Variants in PCOLCE2 observed in about 807,000 individuals in gnomAD.
PCOLCE2 encodes the protein procollagen C-proteinase enhancer 2.
A neutral mutation model predicts 47.0 loss-of-function variants in PCOLCE2; 42 were observed. That is an observed-to-expected ratio of 0.89 (90% confidence interval 0.70 to 1.16). PCOLCE2 has a LOEUF of 1.16. Ranked by LOEUF, PCOLCE2 falls within the 50% of genes most tolerant of loss-of-function variation. The probability of loss-of-function intolerance (pLI) is 0.00; values close to 1 mark genes in which losing one functional copy is unlikely to be tolerated. For synonymous variants in PCOLCE2, 169 were observed against 191.7 expected, an observed-to-expected ratio of 0.88 and a Z score of 0.98; for missense variants, 500 against 526.1, an observed-to-expected ratio of 0.95 and a Z score of 0.49.
intron 2 of PCOLCE2, among the ~76,000 whole-genome samples, chr3:142,857,053 TAGTA>T (rs1933076733): frequency 6.7e-6 from 1 of 148,752 alleles, no homozygotes; most frequent in Admixed American, 6.6e-5. Context: ...ATATACTCTA[TAGTA>T]AGTAAGAGTC....
At chr3:142,836,167 T>C (rs1578033094) in intron 5 of PCOLCE2, among the ~76,000 whole-genome samples, 1 of 152,204 alleles carries the variant, frequency 6.6e-6, no homozygotes, top group Non-Finnish European at 1.5e-5. Flanking sequence ...TGTTGGCTGG[T>C]TTTTGGTCAG....
At chr3:142,872,828 C>T (rs1304610978) in intron 2 of PCOLCE2, among the ~76,000 whole-genome samples, 1 of 152,136 alleles carries the variant, frequency 6.6e-6, no homozygotes, top group African/African-American at 2.4e-5. Context: ...AGCCAAGTAT[C>T]ATCATCAAAA....
Position 142,888,837 on chromosome 3 carries a change from G to C in PCOLCE2, c.60C>G (p.Leu20=), listed in dbSNP as rs1933767515. The C allele has an allele frequency of 1.9e-6, 3 of 1,545,924 alleles. No individual in the cohort carries two copies. In the South Asian group the frequency reaches 3.6e-5, roughly 19 times the overall value. The change falls in exon 1 of 9, where the codon CTC becomes CTG. Residue 20 remains leucine (L), a synonymous_variant. Transcript: ENST00000295992. ...ACCTCTCTGGGGACTGCTGCCGCGA[G>C]AGCTGGGTGGCGGCAGCCAGCAGCA... The part of the protein sequence containing the change: ...LCLLLAAATQ[L]SRQQSPERPV...
intron 5 of PCOLCE2, among the ~76,000 whole-genome samples, chr3:142,834,020 A>G (rs1451119506): frequency 6.6e-6 from 1 of 152,218 alleles, no homozygotes. Context: ...CCATATGAAT[A>G]AAAATAGTCT....
chr3:142,841,351 A>T (rs1298585439), intron 4 of PCOLCE2, among the ~76,000 whole-genome samples: 2 of 152,230 alleles, frequency 1.3e-5, no homozygotes, highest in Non-Finnish European at 2.9e-5. Context: ...CAAAAATCAC[A>T]TTAAAATCAA....
intron 8 of PCOLCE2, among the ~76,000 whole-genome samples, chr3:142,819,163 T>C (rs1936985354): frequency 6.6e-6 from 1 of 152,218 alleles, no homozygotes; most frequent in African/African-American, 2.4e-5. Flanking sequence ...TTGCAAAACA[T>C]CGGTGTCAAG....
chr3:142,885,187 A>G (rs1933696288), intron 2 of PCOLCE2, among the ~76,000 whole-genome samples: 1 of 152,184 alleles, frequency 6.6e-6, no homozygotes, highest in African/African-American at 2.4e-5. Flanking sequence ...CCATTCTTGC[A>G]TTGATATGAT....
intron 2 of PCOLCE2, among the ~76,000 whole-genome samples, chr3:142,859,344 T>C (rs1560137581): frequency 6.6e-6 from 1 of 152,084 alleles, no homozygotes; most frequent in Non-Finnish European, 1.5e-5. Context: ...ATTACAGGCA[T>C]GAGCCAGCAC....
chr3:142,868,934 G>C (rs1273099448), intron 2 of PCOLCE2, among the ~76,000 whole-genome samples: 1 of 152,140 alleles, frequency 6.6e-6, no homozygotes, highest in Non-Finnish European at 1.5e-5. Flanking sequence ...ATGGGGGTCA[G>C]ACATGCCTCA....
rs1208216543 is a variant in PCOLCE2 at position 142,856,970 on chromosome 3, G to T, written c.193-8498C>A. Among the ~76,000 whole-genome samples the T allele has an allele frequency of 2.7e-5, 4 of 150,214 alleles. No individual in the cohort carries two copies. In the South Asian group the frequency reaches 8.4e-4, roughly 31 times the overall value. ...TTTAAAAAGCATTACCAAATAATAA[G>T]ATAAAGAGCTGTGGATACACACGGA... On this transcript the variant is annotated intron_variant, in intron 2 of 8. Coordinates refer to ENST00000295992, the MANE Select transcript of PCOLCE2 (RefSeq NM_013363.4).
intron 8 of PCOLCE2, among the ~76,000 whole-genome samples, chr3:142,820,004 G>A (rs1255316012): frequency 6.6e-6 from 1 of 152,036 alleles, no homozygotes; most frequent in Non-Finnish European, 1.5e-5. Flanking sequence ...AAAGATGTTA[G>A]AGCTTATGTA....
In PCOLCE2 at chr3:142,838,750, CATA is replaced by C; in HGVS notation, c.710+17_710+19del. On this transcript the variant is annotated intron_variant, in intron 5 of 8. Coordinates refer to ENST00000295992, the MANE Select transcript of PCOLCE2 (RefSeq NM_013363.4). ...TTTAGAGCCATAAAACTATTAAAGA[CATA>C]AATAGGTGCTACTTACGCAGGTGGA... is the stretch of plus-strand genomic sequence containing the variant. 1 of 1,607,438 alleles carries C rather than the reference CATA, an allele frequency of 6.2e-7. No individual in the cohort carries two copies. Among genetic ancestry groups the C allele is most frequent in the Non-Finnish European group, 8.5e-7 (1 of 1,174,726 alleles).
rs190216991 is a variant in PCOLCE2, at chr3:142,820,121, T to A, written c.1117+757A>T. ...AAGGAACTTAAATTTTTTTTTTTTT[T>A]ATAGAAATAGGGTCTCACTACATCA... On this transcript the variant is annotated intron_variant, in intron 8 of 8. Coordinates refer to ENST00000295992, the MANE Select transcript of PCOLCE2 (RefSeq NM_013363.4). Among the ~76,000 whole-genome samples, 1,149 of 151,090 alleles carry A rather than the reference T, an allele frequency of 7.6e-3. 17 individuals are homozygous for A. The highest frequency in any genetic ancestry group is 0.023 in the African/African-American group (949 of 40,932).
At chr3:142,846,420 G>A (rs763577318) in intron 3 of PCOLCE2, among the ~76,000 whole-genome samples, 1 of 152,114 alleles carries the variant, frequency 6.6e-6, no homozygotes, top group Non-Finnish European at 1.5e-5. Context: ...GGCTGGTCTT[G>A]AACTCCTGAT....
At chr3:142,844,022 C>T (rs1436322911) in intron 3 of PCOLCE2, among the ~76,000 whole-genome samples, 1 of 152,124 alleles carries the variant, frequency 6.6e-6, no homozygotes, top group Admixed American at 6.5e-5. Context: ...TTCTATTATT[C>T]TATCTATATT....
At chr3:142,877,304 G>C (rs1385302346) in intron 2 of PCOLCE2, among the ~76,000 whole-genome samples, 2 of 152,176 alleles carry the variant, frequency 1.3e-5, no homozygotes, top group African/African-American at 4.8e-5. Flanking sequence ...ATGATCTTAT[G>C]AAAGATCATA....
At chr3:142,861,946 A>C (rs1480042037) in intron 2 of PCOLCE2, among the ~76,000 whole-genome samples, 3 of 152,208 alleles carry the variant, frequency 2.0e-5, no homozygotes, top group Non-Finnish European at 4.4e-5. Context: ...ACCTTGCTGC[A>C]GCTTTCATCG....
chr3:142,842,445 T>G lies in PCOLCE2; in HGVS notation c.573+479A>C, dbSNP rs1016178962. Among the ~76,000 whole-genome samples the G allele has an allele frequency of 6.6e-6, 1 of 152,122 alleles. No individual in the cohort carries two copies. Among genetic ancestry groups the G allele is most frequent in the African/African-American group, 2.4e-5 (1 of 41,428 alleles). ...TCCATGAATTTGCAACTCAAAAAAA[T>G]GCAAAGGCTAGGCCGGGCACGGTGG... On this transcript the variant is annotated intron_variant, in intron 4 of 8. Transcript: ENST00000295992. This position sits in a 1 kb window ranked among gnomAD's most constrained non-coding sequence, Gnocchi z 4.1.
chr3:142,862,804 T>C (rs919673353), intron 2 of PCOLCE2, among the ~76,000 whole-genome samples: 2 of 152,196 alleles, frequency 1.3e-5, no homozygotes, highest in African/African-American at 4.8e-5. Context: ...TATACTATTC[T>C]AATGTACACT....
Sources: gnomAD v4.1 joint callset for allele counts (sites outside exome capture counted in the v4.1 genomes callset) on GRCh38, gnomAD v4.1.1 for gene constraint, Gnocchi (gnomAD v3.1) non-coding constraint, MANE v1.5 for transcripts, NCBI Gene and HGNC (gene_info 2026-07-23, HGNC 2026-07-21) for gene names.